The following DLG2 variants were observed in gnomAD, a reference collection of about 807,000 sequenced individuals.
DLG2 encodes the protein disks large homolog 2.
DLG2 carries 45 observed loss-of-function variants against 132.5 expected under a neutral mutation model. The ratio of observed to expected loss-of-function variants is 0.34; its 90% CI spans 0.27 to 0.44. The LOEUF is 0.44. Among genes scored for constraint, DLG2 ranks in the 20% least tolerant of loss-of-function variants. The pLI is 1.00. For synonymous variants in DLG2, 424 were observed against 419.6 expected (o/e 1.01, Z -0.13); for missense variants, 1,045 against 1,196.9 (o/e 0.87, Z 1.87).
intron 3 of DLG2, among the ~76,000 whole-genome samples, chr11:85,387,079 G>C (rs2086404302): frequency 6.6e-6 from 1 of 151,766 alleles, no homozygotes; most frequent in Non-Finnish European, 1.5e-5. Context: ...GTAGAGACAG[G>C]GTTTCACCTG....
chr11:84,486,867 G>T (rs1438357507), intron 7 of DLG2, among the ~76,000 whole-genome samples: 1 of 152,060 alleles, frequency 6.6e-6, no homozygotes, highest in Non-Finnish European at 1.5e-5. Context: ...CTCTGAGTAT[G>T]TTGCTAGCAA....
intron 6 of DLG2, among the ~76,000 whole-genome samples, chr11:84,564,324 C>T (rs1380535210): frequency 6.6e-6 from 1 of 152,144 alleles, no homozygotes; most frequent in Non-Finnish European, 1.5e-5. Context: ...CCTGTCAGCA[C>T]TGAACTGTGG....
intron 18 of DLG2, among the ~76,000 whole-genome samples, chr11:83,716,425 C>T (rs907235891): frequency 3.3e-5 from 5 of 152,182 alleles, no homozygotes; most frequent in Admixed American, 6.5e-5. Context: ...TTTTTCATTT[C>T]TACAAGAACT....
At chr11:83,474,074 G>A (rs753730576) in intron 22 of DLG2, among the ~76,000 whole-genome samples, 1 of 152,002 alleles carries the variant, frequency 6.6e-6, no homozygotes, top group Non-Finnish European at 1.5e-5. Context: ...GCGCCACCAT[G>A]CCAAGCTACT....
chr11:84,291,998 T>G (rs2098006979), intron 7 of DLG2, among the ~76,000 whole-genome samples: 1 of 152,158 alleles, frequency 6.6e-6, no homozygotes, highest in Admixed American at 6.5e-5. Flanking sequence ...TGCCCTGCCT[T>G]TAAGGATTTC....
In DLG2 at chr11:85,428,985, G is replaced by T. The variant is rs183882707; in HGVS notation, c.41-143620C>A. Among the ~76,000 whole-genome samples the T allele has an allele frequency of 7.2e-5, 11 of 152,200 alleles. 1 individual carries two copies. The East Asian group carries it at 2.1e-3, about 29-fold the overall frequency. ...CACAGAGATACAAACTACCATCAGA[G>T]AATACTATAAACACCTCTATGCAAC... On this transcript the variant is annotated intron_variant, in intron 3 of 27. Coordinates refer to ENST00000376104, the MANE Select transcript of DLG2 (RefSeq NM_001142699.3).
chr11:83,715,171 G>A (rs1371332843), intron 18 of DLG2, among the ~76,000 whole-genome samples: 2 of 152,038 alleles, frequency 1.3e-5, no homozygotes, highest in South Asian at 2.1e-4. Flanking sequence ...CAAGTCTGAG[G>A]ATCAAAAACT....
chr11:85,271,719 G>T (rs1378636454), intron 4 of DLG2, among the ~76,000 whole-genome samples: 1 of 152,226 alleles, frequency 6.6e-6, no homozygotes, highest in African/African-American at 2.4e-5. Context: ...TGCACTGCTG[G>T]CTTTCAGACT....
chr11:85,354,591 T>C (rs2083546267), intron 3 of DLG2, among the ~76,000 whole-genome samples: 1 of 152,118 alleles, frequency 6.6e-6, no homozygotes, highest in South Asian at 2.1e-4. Context: ...ATCTATCATC[T>C]GATTTGGATC....
intron 4 of DLG2, among the ~76,000 whole-genome samples, chr11:85,233,179 C>T (rs2075391609): frequency 1.3e-5 from 2 of 151,704 alleles, no homozygotes; most frequent in South Asian, 4.2e-4. Flanking sequence ...TTTCTTGGTG[C>T]TATTTCCCAC....
chr11:85,477,432 T>C (rs1301568106), intron 3 of DLG2, among the ~76,000 whole-genome samples: 1 of 152,198 alleles, frequency 6.6e-6, no homozygotes, highest in Non-Finnish European at 1.5e-5. Context: ...AGAAAAGAAA[T>C]GGTCAATGAA....
At chr11:84,482,272 G>C (rs2099139768) in intron 7 of DLG2, among the ~76,000 whole-genome samples, 2 of 152,152 alleles carry the variant, frequency 1.3e-5, no homozygotes, top group South Asian at 4.1e-4. Context: ...TGCTTGCCAA[G>C]CAAACATTGG....
At chr11:84,876,584 T>C (rs936619491) in intron 6 of DLG2, among the ~76,000 whole-genome samples, 35 of 152,340 alleles carry the variant, frequency 2.3e-4, no homozygotes, top group African/African-American at 8.4e-4. Context: ...TTCTTCTTTA[T>C]TAGTCTGGGT....
intron 4 of DLG2, among the ~76,000 whole-genome samples, chr11:85,245,750 T>C (rs1033065674): frequency 6.6e-6 from 1 of 151,904 alleles, no homozygotes; most frequent in African/African-American, 2.4e-5. Flanking sequence ...GGCCCTCCAT[T>C]CCCTCTCTGG....
At chr11:84,752,580 T>TTTTTTTTTTTTA (rs1565873431) in intron 6 of DLG2, among the ~76,000 whole-genome samples, 1 of 145,334 alleles carries the variant, frequency 6.9e-6, no homozygotes. Context: ...TTTTTTTTTT[T>TTTTTTTTTTTTA]ATTATACTTT....
chr11:84,878,126 A>G (rs1396355877), intron 6 of DLG2, among the ~76,000 whole-genome samples: 1 of 152,218 alleles, frequency 6.6e-6, no homozygotes, highest in Non-Finnish European at 1.5e-5. Context: ...AGTGCAAATT[A>G]GTTCAGCCAT....
chr11:85,067,003 G>A (rs143163857), intron 6 of DLG2, among the ~76,000 whole-genome samples: 57 of 151,844 alleles, frequency 3.8e-4, no homozygotes, highest in African/African-American at 1.3e-3. Flanking sequence ...TCTGTTCACT[G>A]ATGATATGTG....
chr11:84,069,854 T>C (rs1594605384), intron 10 of DLG2, among the ~76,000 whole-genome samples: 1 of 152,238 alleles, frequency 6.6e-6, no homozygotes, highest in East Asian at 1.9e-4. Flanking sequence ...AAAAGAGACA[T>C]TGAATAGAAA....
At position 83,462,111 on chromosome 11, in the gene DLG2, T is replaced by C. The variant is rs915800426; in HGVS notation, c.2730-18A>G. The C allele has an allele frequency of 6.6e-7, 1 of 1,507,044 alleles. No individual in the cohort carries two copies. Among genetic ancestry groups the C allele is most frequent in the African/African-American group, 1.4e-5 (1 of 72,606 alleles). The allele number at this position is 1,507,044 out of a possible 1,614,324, so 93.4% of individuals were successfully genotyped here. Reference sequence around the variant, plus strand: ...TCATCTCCCTGGGAAAATGAGGGTTTGTATTAGAACATAAAGGGAATATTC... The same window carrying C: ...TCATCTCCCTGGGAAAATGAGGGTTCGTATTAGAACATAAAGGGAATATTC... On this transcript the variant is annotated intron_variant, in intron 26 of 27. Transcript: ENST00000376104.
Sources: allele counts gnomAD v4.1 joint callset (sites outside exome capture counted in the v4.1 genomes callset), GRCh38; gene constraint gnomAD v4.1.1; transcripts MANE v1.5; gene names NCBI Gene and HGNC (gene_info 2026-07-23, HGNC 2026-07-21).